AKAP6: variants seen among roughly 807,000 people sequenced by gnomAD.
The protein encoded by AKAP6 is A-kinase anchoring protein 6.
A neutral mutation model predicts 188.5 loss-of-function variants in AKAP6; 58 were observed. The observed-to-expected ratio is 0.31, with a 90% confidence interval of 0.25 to 0.38. The LOEUF is 0.38. AKAP6 is among the 10% of genes least tolerant of loss of function. The probability of loss-of-function intolerance (pLI) is 1.00; values close to 1 mark genes in which losing one functional copy is unlikely to be tolerated. For synonymous variants in AKAP6, 989 were observed against 998.6 expected, an observed-to-expected ratio of 0.99 and a Z score of 0.18; for missense variants, 2,710 against 2,740.0, an observed-to-expected ratio of 0.99 and a Z score of 0.24.
intron 7 of AKAP6, among the ~76,000 whole-genome samples, chr14:32,636,384 C>A (rs1246576671): frequency 1.3e-5 from 2 of 152,022 alleles, no homozygotes; most frequent in Non-Finnish European, 1.5e-5. Context: ...TTTTGAAAAA[C>A]ATTATTTTGA....
At chr14:32,745,646 A>C (rs998032115) in intron 11 of AKAP6, among the ~76,000 whole-genome samples, 1 of 152,018 alleles carries the variant, frequency 6.6e-6, no homozygotes, top group Non-Finnish European at 1.5e-5. Flanking sequence ...GGTCCCGCCC[A>C]AGGCCTGCTG....
chr14:32,809,802 G>A (rs1156334603), intron 12 of AKAP6, among the ~76,000 whole-genome samples: 2 of 152,178 alleles, frequency 1.3e-5, no homozygotes, highest in African/African-American at 4.8e-5. Context: ...GTTTATCCAA[G>A]TGTTCCTTGT....
intron 5 of AKAP6, among the ~76,000 whole-genome samples, chr14:32,583,157 A>G (rs1885059419): frequency 6.6e-6 from 1 of 151,970 alleles, no homozygotes; most frequent in Admixed American, 6.5e-5. Context: ...TGATGTACAG[A>G]TGGGTTTTTG....
chr14:32,633,560 A>G (rs769153243), intron 7 of AKAP6, among the ~76,000 whole-genome samples: 1 of 152,088 alleles, frequency 6.6e-6, no homozygotes, highest in Non-Finnish European at 1.5e-5. Flanking sequence ...GTAAGTGAGC[A>G]GATGCTTTAG....
intron 2 of AKAP6, among the ~76,000 whole-genome samples, chr14:32,471,328 AGT>A (rs567198136): frequency 2.0e-5 from 3 of 152,204 alleles, no homozygotes; most frequent in Admixed American, 6.5e-5. Flanking sequence ...ACATTTTCCT[AGT>A]GTTTCATAGT....
chr14:32,606,696 G>C (rs902856937), intron 7 of AKAP6, among the ~76,000 whole-genome samples: 1 of 152,142 alleles, frequency 6.6e-6, no homozygotes, highest in East Asian at 1.9e-4. Flanking sequence ...CAGAGAGTTA[G>C]CTGCTTTGAA....
intron 2 of AKAP6, among the ~76,000 whole-genome samples, chr14:32,453,746 G>A (rs1269811081): frequency 1.3e-5 from 2 of 150,526 alleles, no homozygotes; most frequent in South Asian, 2.1e-4. Context: ...ACAGGCGCCC[G>A]CCACTGCGCC....
At chr14:32,576,641 A>C (rs923615420) in intron 4 of AKAP6, among the ~76,000 whole-genome samples, 6 of 152,148 alleles carry the variant, frequency 3.9e-5, no homozygotes, top group African/African-American at 1.4e-4. Flanking sequence ...ATTTTGAAAT[A>C]TATTTCTAGT....
Position 32,833,991 on chromosome 14 carries a change from GAAATT to G in AKAP6, c.*4192_*4196del, listed in dbSNP as rs1443571552. On this transcript the variant is annotated 3_prime_UTR_variant, in exon 14 of 14. Transcript: ENST00000280979. ...ACTTTTTTGTATGATTAAATCATTT[GAAATT>G]AAATTGTAGAGTATGATACTTCATC... 6.6e-6 allele frequency: 1 copy of G among 152,084 alleles called. No homozygotes were observed. The highest frequency in any genetic ancestry group is 1.5e-5 in the Non-Finnish European group (1 of 68,026). 9.4% of individuals were successfully genotyped at this position (152,084 alleles called of 1,614,324 possible).
intron 1 of AKAP6, chr14:32,403,353 G>A (rs986609527): frequency 1.3e-5 from 2 of 152,214 alleles, no homozygotes; most frequent in African/African-American, 4.8e-5. Context: ...AGCAGTAAGA[G>A]TTCTCTTGGG....
chr14:32,813,399 C>T (rs1041963846), intron 12 of AKAP6, among the ~76,000 whole-genome samples: 1 of 125,112 alleles, frequency 8.0e-6, no homozygotes, highest in Non-Finnish European at 1.7e-5. Flanking sequence ...ACCCCCCCCC[C>T]CAACCCCTTT....
At chr14:32,603,124 T>A (rs752194081) in intron 7 of AKAP6, among the ~76,000 whole-genome samples, 5 of 152,120 alleles carry the variant, frequency 3.3e-5, no homozygotes, top group Admixed American at 6.6e-5. Flanking sequence ...AGGCCAGTGT[T>A]GTTAGAAAGG....
chr14:32,377,503 A>G (rs753811516), intron 1 of AKAP6, among the ~76,000 whole-genome samples: 5 of 151,994 alleles, frequency 3.3e-5, no homozygotes, highest in Non-Finnish European at 7.4e-5. Flanking sequence ...GCATATATGT[A>G]CGTGCATGAG....
At chr14:32,548,527 AAAAT>A (rs1466427305) in intron 4 of AKAP6, among the ~76,000 whole-genome samples, 6 of 141,354 alleles carry the variant, frequency 4.2e-5, no homozygotes, top group African/African-American at 8.0e-5. Flanking sequence ...TTCTCAAGCT[AAAAT>A]AGATAGATAG....
chr14:32,609,052 G>A (rs561539299), intron 7 of AKAP6, among the ~76,000 whole-genome samples: 1 of 152,142 alleles, frequency 6.6e-6, no homozygotes, highest in South Asian at 2.1e-4. Flanking sequence ...TGGCAGGGGA[G>A]CAGGCTGAGC....
At chr14:32,650,567 T>A (rs1025724628) in intron 7 of AKAP6, among the ~76,000 whole-genome samples, 1 of 152,106 alleles carries the variant, frequency 6.6e-6, no homozygotes, top group Non-Finnish European at 1.5e-5. Context: ...GCCAAGATCA[T>A]GCCACTGTAC....
intron 7 of AKAP6, among the ~76,000 whole-genome samples, chr14:32,656,723 G>A (rs1167031027): frequency 6.6e-6 from 1 of 152,150 alleles, no homozygotes; most frequent in Non-Finnish European, 1.5e-5. Context: ...TTAAGTAAAT[G>A]GCTCAGTAGT....
chr14:32,588,076 A>C (rs895819887), intron 5 of AKAP6, among the ~76,000 whole-genome samples: 1 of 152,196 alleles, frequency 6.6e-6, no homozygotes, highest in Non-Finnish European at 1.5e-5. Context: ...AACAGCATAA[A>C]ATTAAAAGTA....
intron 2 of AKAP6, among the ~76,000 whole-genome samples, chr14:32,532,731 A>T (rs1882478550): frequency 6.6e-6 from 1 of 152,160 alleles, no homozygotes; most frequent in African/African-American, 2.4e-5. Flanking sequence ...TTTAGCATCA[A>T]AGTGAGATGC....
Sources: allele counts gnomAD v4.1 joint callset (sites outside exome capture counted in the v4.1 genomes callset), GRCh38; gene constraint gnomAD v4.1.1; transcripts MANE v1.5; gene names NCBI Gene and HGNC (gene_info 2026-07-23, HGNC 2026-07-21).